The following PDE4DIP variants were observed in gnomAD, a reference collection of about 807,000 sequenced individuals.
The protein encoded by PDE4DIP is phosphodiesterase 4D interacting protein.
PDE4DIP carries 59 observed loss-of-function variants against 221.4 expected under a neutral mutation model. The observed-to-expected ratio is 0.27, with a 90% CI of 0.22 to 0.33. The LOEUF (loss-of-function observed/expected upper bound fraction) is 0.33. Among genes scored for constraint, PDE4DIP ranks in the 10% least tolerant of loss-of-function variants. PDE4DIP has a pLI of 1.00. For missense variants in PDE4DIP, 1,036 were observed against 2,154.2 expected, an observed-to-expected ratio of 0.48 and a Z score of 10.28; for synonymous variants, 404 against 815.9, an observed-to-expected ratio of 0.50 and a Z score of 8.60.
intron 1 of PDE4DIP, chr1:148,844,521 G>A (rs1553380527): frequency 9.0e-6 from 1 of 111,140 alleles, no homozygotes; most frequent in African/African-American, 3.4e-5. Flanking sequence ...GCCGCTCTGA[G>A]TCCAGCCTCC....
chr1:149,028,670 A>G (rs1553632727), exon 41 of PDE4DIP: 1 of 1,600,376 alleles, frequency 6.2e-7, no homozygotes, highest in Admixed American at 1.7e-5. Flanking sequence ...CGGCCCTGCC[A>G]AGCACCCACA....
intron 1 of PDE4DIP, among the ~76,000 whole-genome samples, chr1:148,919,329 T>C (rs582848): frequency 2.6e-5 from 4 of 151,624 alleles, no homozygotes; most frequent in African/African-American, 4.9e-5. Context: ...GCATAAAGCT[T>C]TGGGGACGAC....
At chr1:149,005,503 T>C (rs2152516681) in intron 27 of PDE4DIP, 66 bp downstream of exon 30, 4 of 1,157,944 alleles carry the variant, frequency 3.5e-6, no homozygotes, top group Non-Finnish European at 4.9e-6. Flanking sequence ...TGGCGTAGGG[T>C]AGCTCAGGCA....
chr1:149,000,452 G>A (rs2065359767), intron 23 of PDE4DIP, among the ~76,000 whole-genome samples: 1 of 151,870 alleles, frequency 6.6e-6, no homozygotes, highest in Admixed American at 6.6e-5. Context: ...CTACTCGGGA[G>A]GCTGAGGCAG....
chr1:149,028,516 G>A, intron 40 of PDE4DIP, 44 bp from the exon 44 acceptor site: 3 of 1,583,906 alleles, frequency 1.9e-6, no homozygotes, highest in Middle Eastern at 2.3e-4. Context: ...CATGCAGGGG[G>A]AAGAAAGTAA....
rs2985346 is a variant in PDE4DIP, at chr1:148,922,832, C to T, written c.142-6365C>T. Among the ~76,000 whole-genome samples, 279 of 151,070 alleles carry T rather than the reference C, an allele frequency of 1.8e-3. 3 individuals are homozygous for T. The highest frequency in any genetic ancestry group is 5.4e-3 in the African/African-American group (221 of 41,134). ...TCATTTCCTGACCTCGTGATCCGCCCGCCTCGGCCTCCCAAAGTGCTGGGA... is the reference window on the plus strand; with the variant it reads ...TCATTTCCTGACCTCGTGATCCGCCTGCCTCGGCCTCCCAAAGTGCTGGGA... On this transcript the variant is annotated intron_variant, in intron 1 of 43. Transcript: ENST00000369354.
chr1:149,024,097 C>T (rs2074281760), intron 37 of PDE4DIP: 3 of 154,760 alleles, frequency 1.9e-5, no homozygotes, highest in Admixed American at 6.5e-5. Flanking sequence ...TCATCCCCTA[C>T]CCTTCTCTAG....
chr1:149,010,451 C>T lies in PDE4DIP; in HGVS notation c.4936C>T (p.His1646Tyr), dbSNP rs142425746. 1.7e-4 allele frequency: 270 copies of T among 1,613,020 alleles called. No homozygotes were observed. The African/African-American group carries it at 2.7e-3, about 16-fold the overall frequency. The stretch of plus-strand genomic sequence containing the variant: ...ATTCATGGATTTTATAGATTCCATC[C>T]ATCATTCGAGTCATTCTGCTGTGTT... The change falls in exon 31 of 44, where the codon CAT (histidine) becomes TAT (tyrosine). Residue 1646 changes from histidine to tyrosine, a missense_variant. His to Tyr is a moderately conservative substitution (Grantham distance 83). Coordinates refer to ENST00000369354, the Ensembl canonical transcript of PDE4DIP.
intron 2 of PDE4DIP, chr1:148,866,598 AAGGAAGGAAGGGAGGG>A (rs1686835695): frequency 2.6e-5 from 1 of 39,082 alleles, no homozygotes; most frequent in African/African-American, 1.3e-4. Context: ...GGAAGGAAGG[AAGGAAGGAAGGGAGGG>A]AGGGAGGGAG....
intron 5 of PDE4DIP, among the ~76,000 whole-genome samples, chr1:148,944,242 G>C (rs1471467212): frequency 6.6e-6 from 1 of 152,150 alleles, no homozygotes; most frequent in Non-Finnish European, 1.5e-5. Context: ...GGAAATACTT[G>C]AAGGGTGGAT....
chr1:149,016,377 A>G lies in PDE4DIP; in HGVS notation c.5345A>G (p.Asn1782Ser), dbSNP rs143848459. Residue 1782 changes from asparagine to serine, a missense_variant, in exon 33 of 44, where the codon AAC (asparagine) becomes AGC (serine). Transcript: ENST00000369354. ...GAAGCCGACTCTTCCTACTACCTCAACTCTGCCCAGCCTCACTCTCCTCCA... is the reference window on the plus strand; with the variant it reads ...GAAGCCGACTCTTCCTACTACCTCAGCTCTGCCCAGCCTCACTCTCCTCCA... 273 of 1,246,310 alleles carry G rather than the reference A, an allele frequency of 2.2e-4. 1 individual carries two copies. The African/African-American group carries it at 3.4e-3, about 16-fold the overall frequency. The allele number at this position is 1,246,310 out of a possible 1,614,324, so 77.2% of individuals were successfully genotyped here.
At chr1:148,950,359 A>T (rs2052850829) in intron 5 of PDE4DIP, among the ~76,000 whole-genome samples, 1 of 152,096 alleles carries the variant, frequency 6.6e-6, no homozygotes, top group Non-Finnish European at 1.5e-5. Context: ...GGCAGGCAAA[A>T]ATGCAGCTGT....
chr1:148,978,206 G>T, intron 18 of PDE4DIP, 72 bp from the exon 22 acceptor site: 2 of 1,375,820 alleles, frequency 1.5e-6, no homozygotes, highest in South Asian at 1.2e-5. Flanking sequence ...CAAGACATTT[G>T]TTCCCGTGCT....
At chr1:148,949,012 C>T (rs1341825673) in intron 5 of PDE4DIP, among the ~76,000 whole-genome samples, 3 of 152,164 alleles carry the variant, frequency 2.0e-5, no homozygotes, top group Non-Finnish European at 4.4e-5. Context: ...TTGCATATGG[C>T]TTGTTTCACT....
intron 37 of PDE4DIP, among the ~76,000 whole-genome samples, chr1:149,023,373 G>A (rs1457355208): frequency 6.6e-6 from 1 of 151,244 alleles, no homozygotes; most frequent in Admixed American, 6.6e-5. Context: ...TATGATATAT[G>A]CACCCTGTTG....
exon 21 of PDE4DIP, chr1:148,981,361 C>A (rs142604413): frequency 6.2e-7 from 1 of 1,613,966 alleles, no homozygotes; most frequent in East Asian, 2.2e-5. Context: ...AAGCTTGGAG[C>A]GCTTAAACAG....
At chr1:148,981,666 C>T (rs2061092654) in intron 21 of PDE4DIP, 2 of 417,652 alleles carry the variant, frequency 4.8e-6, no homozygotes, top group South Asian at 5.3e-5. Context: ...AGTGTATTTG[C>T]ACATTTTAAA....
intron 21 of PDE4DIP, chr1:148,985,126 T>A (rs1336487907): frequency 6.6e-6 from 1 of 152,160 alleles, no homozygotes; most frequent in Non-Finnish European, 1.5e-5. Context: ...CTTTTCCAGG[T>A]ATATCCTGTG....
At position 148,966,230 on chromosome 1, in the gene PDE4DIP, TTTAA is replaced by T. The variant is rs1348394888; in HGVS notation, c.1354-308_1354-305del. ...TTCTTCACTTAGGAAATCCTAGTCC[TTTAA>T]TTAAGACTCACTGCAAATATTACCT... is the stretch of plus-strand genomic sequence containing the variant. On this transcript the variant is annotated intron_variant, in intron 10 of 43. Coordinates refer to ENST00000369354, the Ensembl canonical transcript of PDE4DIP. Among the ~76,000 whole-genome samples the T allele has an allele frequency of 2.7e-5, 3 of 112,652 alleles. 1 individual carries two copies. The highest frequency in any genetic ancestry group is 7.7e-3 in the Middle Eastern group (2 of 260). The allele number at this position is 112,652 out of a possible 152,430, so 73.9% of individuals were successfully genotyped here.
Sources: gnomAD v4.1 joint callset for allele counts (sites outside exome capture counted in the v4.1 genomes callset) on GRCh38, gnomAD v4.1.1 for gene constraint, MANE v1.5 for transcripts, NCBI Gene and HGNC (gene_info 2026-07-23, HGNC 2026-07-21) for gene names.